The following FGFR2 variants were observed in gnomAD, a reference collection of about 807,000 sequenced individuals.
The protein encoded by FGFR2 is fibroblast growth factor receptor 2.
Under a neutral mutation model 95.9 loss-of-function variants are expected in FGFR2, and 19 were observed. That is an observed-to-expected ratio of 0.20 (90% CI 0.14 to 0.29). The LOEUF (loss-of-function observed/expected upper bound fraction) is 0.29. FGFR2 is among the 10% of genes least tolerant of loss of function. The pLI, the probability that FGFR2 is intolerant of heterozygous loss-of-function variation, is 1.00. For synonymous variants in FGFR2, 392 were observed against 393.3 expected (o/e 1.00, Z 0.04); for missense variants, 707 against 1,056.9 (o/e 0.67, Z 4.59).
chr10:121,559,111 GA>G (rs904279035), intron 4 of FGFR2, among the ~76,000 whole-genome samples: 7,112 of 55,318 alleles, frequency 0.13, 348 homozygotes, highest in African/African-American at 0.29. Flanking sequence ...TCCAAAAGGA[GA>G]AAAAAAAAAA....
intron 2 of FGFR2, among the ~76,000 whole-genome samples, chr10:121,577,134 C>CAAAAAA (rs1169487586): frequency 0.013 from 51 of 3,952 alleles, 13 homozygotes; most frequent in African/African-American, 0.035. Context: ...GACTCCATCT[C>CAAAAAA]AAAAAAAAAA....
In FGFR2 at chr10:121,560,615, CAAAAAAAAAAAAAA is replaced by C. The variant is rs34753296; in HGVS notation, c.454+3873_454+3886del. On this transcript the variant is annotated intron_variant, in intron 4 of 17. Transcript: ENST00000358487. ...GGGCAACAGAGCAAGACTCCGTCCC[CAAAAAAAAAAAAAA>C]AAAAAAAAAAAAGAGGCGAGTGACA... Among the ~76,000 whole-genome samples, 7 of 51,814 alleles carry C rather than the reference CAAAAAAAAAAAAAA, an allele frequency of 1.4e-4. No homozygotes were observed. The East Asian group carries it at 4.6e-3, about 34-fold the overall frequency. 34.0% of individuals were successfully genotyped at this position (51,814 alleles called of 152,430 possible).
chr10:121,517,582 T>G lies in FGFR2; in HGVS notation c.940-119A>C. ...CAGGGGGTGCTGGCCACTGGGAGAT[T>G]CCGACTGCAGCCCATCCACAAAGCC... On this transcript the variant is annotated intron_variant, in intron 7 of 17. Coordinates refer to ENST00000358487, the MANE Select transcript of FGFR2 (RefSeq NM_000141.5). This position sits in a 1 kb window ranked among gnomAD's most constrained non-coding sequence, Gnocchi z 4.7. 8.6e-7 allele frequency: 1 copy of G among 1,157,086 alleles called. No individual in the cohort carries two copies. Among genetic ancestry groups the G allele is most frequent in the Non-Finnish European group, 1.3e-6 (1 of 789,298 alleles). 71.7% of individuals were successfully genotyped at this position (1,157,086 alleles called of 1,614,324 possible).
intron 4 of FGFR2, among the ~76,000 whole-genome samples, chr10:121,560,803 A>ACCT (rs1856850284): frequency 6.6e-6 from 1 of 152,026 alleles, no homozygotes; most frequent in Non-Finnish European, 1.5e-5. Flanking sequence ...TTCAGGGCAG[A>ACCT]CCTCCACGTG....
At chr10:121,551,206 C>T (rs928307513) in intron 5 of FGFR2, 84 bp downstream of exon 5, 9 of 1,482,480 alleles carry the variant, frequency 6.1e-6, no homozygotes, top group Middle Eastern at 2.3e-4. Flanking sequence ...GGCGACAGAG[C>T]GAGACTCCAT....
chr10:121,545,196 T>G (rs1444227093), intron 5 of FGFR2, among the ~76,000 whole-genome samples: 1 of 152,188 alleles, frequency 6.6e-6, no homozygotes, highest in Admixed American at 6.5e-5. Context: ...AAGAACAGCA[T>G]CATATCCCCA....
At chr10:121,480,691 A>G (rs1193748366) in intron 17 of FGFR2, among the ~76,000 whole-genome samples, 1 of 152,248 alleles carries the variant, frequency 6.6e-6, no homozygotes, top group Non-Finnish European at 1.5e-5. Context: ...TGTTAAATCC[A>G]TAATGCACTG....
At chr10:121,502,619 C>T (rs1847744298) in intron 10 of FGFR2, among the ~76,000 whole-genome samples, 1 of 152,190 alleles carries the variant, frequency 6.6e-6, no homozygotes, top group South Asian at 2.1e-4. Context: ...AAGAGCTTAT[C>T]TTTGCATTTC....
At chr10:121,506,665 A>G (rs944941206) in intron 9 of FGFR2, among the ~76,000 whole-genome samples, 2 of 152,168 alleles carry the variant, frequency 1.3e-5, no homozygotes, top group African/African-American at 4.8e-5. Flanking sequence ...CGAGGCTCAC[A>G]GAATAGGATG....
intron 9 of FGFR2, among the ~76,000 whole-genome samples, chr10:121,510,698 T>C (rs968424715): frequency 6.6e-6 from 1 of 152,164 alleles, no homozygotes; most frequent in African/African-American, 2.4e-5. Context: ...CCCTTCATCT[T>C]GGTCCTATTC....
intron 4 of FGFR2, chr10:121,564,196 C>T (rs1441999889): frequency 2.3e-6 from 1 of 435,846 alleles, no homozygotes; most frequent in African/African-American, 2.0e-5. Context: ...CATGGTTCTA[C>T]TATTCTTATG....
At chr10:121,576,117 G>C (rs1281950436) in intron 2 of FGFR2, among the ~76,000 whole-genome samples, 1 of 152,138 alleles carries the variant, frequency 6.6e-6, no homozygotes, top group Admixed American at 6.5e-5. Flanking sequence ...AACCTGGGCG[G>C]TGGAGGTTGC....
At chr10:121,482,294 G>A (rs1410379720) in intron 17 of FGFR2, 7 of 827,744 alleles carry the variant, frequency 8.5e-6, no homozygotes, top group Admixed American at 6.8e-5. Flanking sequence ...CCCTTGAACC[G>A]TTCCTTTCCT....
At chr10:121,532,604 T>A (rs1409220596) in intron 6 of FGFR2, among the ~76,000 whole-genome samples, 1 of 152,200 alleles carries the variant, frequency 6.6e-6, no homozygotes, top group Non-Finnish European at 1.5e-5. Flanking sequence ...GACTCCGCCG[T>A]GCCTCCGTCC....
At chr10:121,514,337 A>G (rs1275885450) in intron 9 of FGFR2, among the ~76,000 whole-genome samples, 1 of 152,160 alleles carries the variant, frequency 6.6e-6, no homozygotes. Flanking sequence ...CCACCTACCT[A>G]TGCAGGGCTT....
intron 9 of FGFR2, among the ~76,000 whole-genome samples, chr10:121,504,396 G>T (rs1276820417): frequency 6.6e-6 from 1 of 152,128 alleles, no homozygotes; most frequent in Non-Finnish European, 1.5e-5. Context: ...TAGGAAATTG[G>T]CTCTACCATA....
At chr10:121,549,064 C>T (rs556134560) in intron 5 of FGFR2, among the ~76,000 whole-genome samples, 6 of 152,306 alleles carry the variant, frequency 3.9e-5, no homozygotes, top group African/African-American at 9.6e-5. Context: ...CAGTACCCAC[C>T]TGCTAGCAGA....
chr10:121,527,015 A>G (rs946315068), intron 6 of FGFR2: 23 of 356,866 alleles, frequency 6.4e-5, no homozygotes, highest in African/African-American at 1.3e-4. Flanking sequence ...TAAAGTCACA[A>G]AGTGACTTAT....
rs201975483 is a variant in FGFR2 at position 121,480,060 on chromosome 10, G to A, written c.2302-39C>T. 4 of 1,574,364 alleles carry A rather than the reference G, an allele frequency of 2.5e-6. No individual in the cohort carries two copies. In the South Asian group the frequency reaches 4.4e-5, roughly 17 times the overall value. On this transcript the variant is annotated intron_variant, in intron 17 of 17. Transcript: ENST00000358487. ...AGAGAGACGTTTTATTTCATCTTGG[G>A]TCAGGATAACAAGGTGAATACGGTT...
Sources: allele counts gnomAD v4.1 joint callset (sites outside exome capture counted in the v4.1 genomes callset), GRCh38; gene constraint gnomAD v4.1.1; non-coding constraint Gnocchi (gnomAD v3.1); transcripts MANE v1.5; gene names NCBI Gene and HGNC (gene_info 2026-07-23, HGNC 2026-07-21).